Variants in ADGRL4 observed in about 807,000 individuals in gnomAD.
The protein encoded by ADGRL4 is EGF, latrophilin and seven transmembrane domain containing 1.
Under a neutral mutation model 74.8 loss-of-function variants are expected in ADGRL4, and 90 were observed. The observed-to-expected ratio is 1.20, with a 90% CI of 1.02 to 1.43. ADGRL4 has a LOEUF of 1.43. ADGRL4 is among the 40% of genes most tolerant of loss of function. The probability of loss-of-function intolerance (pLI) is 0.00; values close to 1 mark genes in which losing one functional copy is unlikely to be tolerated. For synonymous variants in ADGRL4, 311 were observed against 279.2 expected, an observed-to-expected ratio of 1.11 and a Z score of -1.14; for missense variants, 881 against 814.3, an observed-to-expected ratio of 1.08 and a Z score of -1.00.
chr1:78,901,337 T>C (rs951075198), intron 12 of ADGRL4, among the ~76,000 whole-genome samples: 3 of 152,158 alleles, frequency 2.0e-5, no homozygotes, highest in Admixed American at 6.6e-5. Context: ...GGCTGATCTA[T>C]AATTGTTTGA....
At chr1:78,957,056 T>C (rs1375367824) in intron 2 of ADGRL4, among the ~76,000 whole-genome samples, 1 of 152,176 alleles carries the variant, frequency 6.6e-6, no homozygotes, top group Non-Finnish European at 1.5e-5. Flanking sequence ...TTCTTTGATA[T>C]TATGATTGTA....
At position 78,891,520 on chromosome 1, in the gene ADGRL4, T is replaced by G. The variant is rs1557487491; in HGVS notation, c.2010+4A>C. ...AGGAACCACCAAAATAAGAAATTGTTTACCTTTCTAGATAAAACACACAGG... is the reference window on the plus strand; with the variant it reads ...AGGAACCACCAAAATAAGAAATTGTGTACCTTTCTAGATAAAACACACAGG... On this transcript the variant is annotated splice_donor_region_variant and intron_variant, in intron 14 of 14. Transcript: ENST00000370742. 1 of 1,609,556 alleles carries G rather than the reference T, an allele frequency of 6.2e-7. No homozygotes were observed. The highest frequency in any genetic ancestry group is 8.5e-7 in the Non-Finnish European group (1 of 1,178,488).
intron 2 of ADGRL4, among the ~76,000 whole-genome samples, chr1:78,988,268 A>C (rs1650536885): frequency 6.6e-6 from 1 of 151,860 alleles, no homozygotes; most frequent in Non-Finnish European, 1.5e-5. Context: ...AATAGGAATA[A>C]GTTTAGAATT....
In ADGRL4 at chr1:78,891,038, C is replaced by G. The variant is rs1648259263; in HGVS notation, c.*116G>C. 4 of 1,035,258 alleles carry G rather than the reference C, an allele frequency of 3.9e-6. No individual in the cohort carries two copies. The Admixed American group carries it at 5.6e-5, about 14-fold the overall frequency. 64.1% of individuals were successfully genotyped at this position (1,035,258 alleles called of 1,614,324 possible). On this transcript the variant is annotated 3_prime_UTR_variant, in exon 15 of 15. Transcript: ENST00000370742. ...TAAACAGAAAAACTGATTTAAAATA[C>G]TTTTTGTCTAGTAGTTAATAATTGG... is the stretch of plus-strand genomic sequence containing the variant.
chr1:78,920,518 G>A, intron 9 of ADGRL4, 132 bp from the exon 10 acceptor site: 3 of 640,436 alleles, frequency 4.7e-6, no homozygotes, highest in Non-Finnish European at 7.7e-6. Context: ...AAATATAAAT[G>A]TGCATTTAGA....
intron 2 of ADGRL4, among the ~76,000 whole-genome samples, chr1:78,960,820 C>G (rs1649936713): frequency 6.6e-6 from 1 of 152,158 alleles, no homozygotes; most frequent in African/African-American, 2.4e-5. Context: ...AAAAGCAGAT[C>G]CTCACCAGAC....
intron 2 of ADGRL4, among the ~76,000 whole-genome samples, chr1:78,951,952 T>G (rs193086525): frequency 9.8e-5 from 15 of 152,314 alleles, no homozygotes; most frequent in Non-Finnish European, 7.4e-5. Flanking sequence ...AACCATATGA[T>G]TATGTTATCT....
chr1:78,963,591 G>C (rs1420829074), intron 2 of ADGRL4, among the ~76,000 whole-genome samples: 1 of 152,128 alleles, frequency 6.6e-6, no homozygotes, highest in African/African-American at 2.4e-5. Flanking sequence ...GATCAAATAT[G>C]ACATTTGTTT....
chr1:78,984,164 A>G (rs1189225730), intron 2 of ADGRL4, among the ~76,000 whole-genome samples: 2 of 151,744 alleles, frequency 1.3e-5, no homozygotes, highest in African/African-American at 4.8e-5. Flanking sequence ...GGTACAAAGT[A>G]AGATGGTTCT....
At chr1:78,892,995 A>G (rs1316920804) in intron 13 of ADGRL4, 103 bp downstream of exon 13, 15 of 692,090 alleles carry the variant, frequency 2.2e-5, no homozygotes, top group Non-Finnish European at 3.1e-5. Context: ...AAAGTATGAA[A>G]CAATCATTTA....
At chr1:78,900,534 ATTG>A (rs755947908) in intron 12 of ADGRL4, among the ~76,000 whole-genome samples, 11 of 152,060 alleles carry the variant, frequency 7.2e-5, no homozygotes, top group Non-Finnish European at 1.5e-4. Context: ...CTCATGCTGA[ATTG>A]TTATCTTTAG....
At chr1:78,910,101 T>G (rs61768744) in intron 12 of ADGRL4, among the ~76,000 whole-genome samples, 26,006 of 151,538 alleles carry the variant, frequency 0.17, 2,479 homozygotes, top group Admixed American at 0.25. Flanking sequence ...AAAAATGTAT[T>G]TATGGGGAGA....
chr1:78,911,269 T>A (rs1304287311), intron 12 of ADGRL4, among the ~76,000 whole-genome samples: 2 of 151,850 alleles, frequency 1.3e-5, no homozygotes, highest in African/African-American at 4.8e-5. Context: ...AGATTTCTTT[T>A]CTGGAGCACA....
intron 2 of ADGRL4, among the ~76,000 whole-genome samples, chr1:78,954,829 A>G (rs1020664622): frequency 6.6e-6 from 1 of 152,160 alleles, no homozygotes; most frequent in African/African-American, 2.4e-5. Context: ...GGAACTAGAC[A>G]AACGTGCAAT....
At chr1:78,915,153 C>T (rs1342011491) in intron 12 of ADGRL4, among the ~76,000 whole-genome samples, 2 of 151,876 alleles carry the variant, frequency 1.3e-5, no homozygotes, top group Non-Finnish European at 2.9e-5. Flanking sequence ...GAGTTTCACC[C>T]TATCATTTTA....
At chr1:78,985,641 C>A (rs2100729692) in intron 2 of ADGRL4, among the ~76,000 whole-genome samples, 1 of 151,868 alleles carries the variant, frequency 6.6e-6, no homozygotes, top group Non-Finnish European at 1.5e-5. Flanking sequence ...TTATATATAA[C>A]AACTTCCTCT....
rs1227076988 is a variant in ADGRL4, at chr1:78,932,104, C to A, written c.877+4191G>T. Among the ~76,000 whole-genome samples, 5 of 151,410 alleles carry A rather than the reference C, an allele frequency of 3.3e-5. 1 individual carries two copies. Among genetic ancestry groups the A allele is most frequent in the African/African-American group, 1.2e-4 (5 of 40,752 alleles). Reference sequence around the variant, plus strand: ...CTAATAAACATTTACAGAACTCTTACCCCCAAATCAACAGAATATGCATTC... The same window carrying A: ...CTAATAAACATTTACAGAACTCTTAACCCCAAATCAACAGAATATGCATTC... On this transcript the variant is annotated intron_variant, in intron 7 of 14. Coordinates refer to ENST00000370742, the MANE Select transcript of ADGRL4 (RefSeq NM_022159.4).
At chr1:78,898,345 T>C (rs911477167) in intron 12 of ADGRL4, among the ~76,000 whole-genome samples, 1 of 152,070 alleles carries the variant, frequency 6.6e-6, no homozygotes, top group African/African-American at 2.4e-5. Context: ...ATTAAGAAAA[T>C]AGTGCTTTTC....
At chr1:78,982,722 G>A (rs1411672997) in intron 2 of ADGRL4, among the ~76,000 whole-genome samples, 2 of 151,758 alleles carry the variant, frequency 1.3e-5, no homozygotes, top group Non-Finnish European at 2.9e-5. Flanking sequence ...ACAGCATACT[G>A]GAAAATAAGA....
Sources: allele counts gnomAD v4.1 joint callset (sites outside exome capture counted in the v4.1 genomes callset), GRCh38; gene constraint gnomAD v4.1.1; transcripts MANE v1.5; gene names NCBI Gene and HGNC (gene_info 2026-07-23, HGNC 2026-07-21).